The following PLEKHA7 variants were observed in gnomAD, a reference collection of about 807,000 sequenced individuals.
PLEKHA7 encodes the protein pleckstrin homology domain-containing family A member 7.
PLEKHA7 carries 104 observed loss-of-function variants against 170.0 expected under a neutral mutation model. The ratio of observed to expected loss-of-function variants is 0.61; its 90% CI spans 0.52 to 0.72. The LOEUF is 0.72. Among genes scored for constraint, PLEKHA7 ranks in the 30% least tolerant of loss-of-function variants. The probability of loss-of-function intolerance (pLI) is 0.00; values close to 1 mark genes in which losing one functional copy is unlikely to be tolerated. For synonymous variants in PLEKHA7, 648 were observed against 660.8 expected (o/e 0.98, Z 0.30); for missense variants, 1,615 against 1,671.7 (o/e 0.97, Z 0.59).
intron 1 of PLEKHA7, 41 bp from the exon 2 acceptor site, chr11:17,014,242 C>T (rs1865530088): frequency 5.6e-6 from 8 of 1,423,086 alleles, no homozygotes; most frequent in Non-Finnish European, 7.3e-6. Flanking sequence ...CGCCACAGCC[C>T]GCCGGGTGCC....
chr11:16,934,267 C>G (rs1860136520), intron 3 of PLEKHA7, among the ~76,000 whole-genome samples: 1 of 152,130 alleles, frequency 6.6e-6, no homozygotes, highest in Non-Finnish European at 1.5e-5. Context: ...CCAAAATAAG[C>G]TTCCCAAATG....
intron 4 of PLEKHA7, among the ~76,000 whole-genome samples, chr11:16,865,942 A>T (rs1329079996): frequency 6.6e-6 from 1 of 151,556 alleles, no homozygotes; most frequent in Non-Finnish European, 1.5e-5. Flanking sequence ...GGCTCAAGTG[A>T]TTCTCCTGCC....
chr11:16,863,552 A>G (rs1854145823), intron 4 of PLEKHA7, among the ~76,000 whole-genome samples: 3 of 152,146 alleles, frequency 2.0e-5, no homozygotes, highest in African/African-American at 7.2e-5. Flanking sequence ...CCCCACCTCA[A>G]CATCAAATGC....
chr11:16,812,922 G>C (rs1849478098), intron 13 of PLEKHA7, among the ~76,000 whole-genome samples, 191 bp downstream of exon 13: 1 of 152,010 alleles, frequency 6.6e-6, no homozygotes, highest in Non-Finnish European at 1.5e-5. Flanking sequence ...AAATTCACAA[G>C]AAACTGAAAA....
Position 16,777,513 on chromosome 11 carries a change from T to C in PLEKHA7, c.*1485A>G, listed in dbSNP as rs1258195295. 1.3e-5 allele frequency: 2 copies of C among 152,256 alleles called. No individual in the cohort carries two copies. Among genetic ancestry groups the C allele is most frequent in the Non-Finnish European group, 2.9e-5 (2 of 68,048 alleles). 9.4% of individuals were successfully genotyped at this position (152,256 alleles called of 1,614,324 possible). A position where few individuals can be genotyped will look rare whatever the true frequency, so the allele number is the denominator to read the frequency against. On this transcript the variant is annotated 3_prime_UTR_variant, in exon 27 of 27. Coordinates refer to ENST00000531066, the MANE Select transcript of PLEKHA7 (RefSeq NM_001329630.2). ...CAACTGCTAGATATATTCAAAATTC[T>C]ATTTTTTTTTCTGAGCATAGTCAAA...
chr11:16,870,999 C>T (rs1854792498), intron 4 of PLEKHA7, 100 bp downstream of exon 4: 2 of 882,868 alleles, frequency 2.3e-6, no homozygotes, highest in Admixed American at 2.1e-5. Context: ...CCCCAAGCCC[C>T]TCTGTCTCAG....
intron 5 of PLEKHA7, 90 bp downstream of exon 5, chr11:16,855,713 T>C (rs1308118842): frequency 2.0e-6 from 2 of 981,790 alleles, no homozygotes; most frequent in Non-Finnish European, 3.1e-6. Context: ...CTCACAAAAC[T>C]ATAGTGAAGA....
intron 3 of PLEKHA7, among the ~76,000 whole-genome samples, chr11:16,926,882 T>G (rs1859588493): frequency 6.6e-6 from 1 of 152,228 alleles, no homozygotes; most frequent in Non-Finnish European, 1.5e-5. Context: ...GATCCATGGC[T>G]GTCCTACCTC....
At chr11:16,913,455 G>A (rs998020034) in intron 3 of PLEKHA7, among the ~76,000 whole-genome samples, 1 of 152,174 alleles carries the variant, frequency 6.6e-6, no homozygotes, top group Non-Finnish European at 1.5e-5. Context: ...GCAGTAGCCA[G>A]AGACCCTCAA....
intron 19 of PLEKHA7, among the ~76,000 whole-genome samples, chr11:16,794,143 CA>C (rs1259256740): frequency 1.3e-5 from 2 of 151,940 alleles, no homozygotes. Flanking sequence ...CGGATTTGCA[CA>C]AAGGTTTGCA....
chr11:16,831,164 C>T (rs1041540298), intron 9 of PLEKHA7, among the ~76,000 whole-genome samples: 6 of 152,158 alleles, frequency 3.9e-5, no homozygotes, highest in African/African-American at 1.4e-4. Flanking sequence ...TAAAATGCAC[C>T]TTTGTTCCCA....
chr11:16,892,894 C>T (rs1021250042), intron 3 of PLEKHA7, among the ~76,000 whole-genome samples: 8 of 152,288 alleles, frequency 5.3e-5, no homozygotes, highest in South Asian at 2.1e-4. Context: ...GACGCCAGCA[C>T]GTTCATTATC....
At chr11:16,927,882 C>T (rs1859672773) in intron 3 of PLEKHA7, among the ~76,000 whole-genome samples, 2 of 151,872 alleles carry the variant, frequency 1.3e-5, no homozygotes, top group East Asian at 3.9e-4. Context: ...AACTGTGGTA[C>T]ATGCTTACGA....
At chr11:16,784,369 C>T (rs1310276799) in intron 24 of PLEKHA7, among the ~76,000 whole-genome samples, 1 of 152,198 alleles carries the variant, frequency 6.6e-6, no homozygotes, top group African/African-American at 2.4e-5. Flanking sequence ...TACTTAGTAG[C>T]CCTCCAACTA....
chr11:16,926,801 T>TCCCA (rs1353522813), intron 3 of PLEKHA7, among the ~76,000 whole-genome samples: 1 of 152,190 alleles, frequency 6.6e-6, no homozygotes, highest in African/African-American at 2.4e-5. Context: ...ATAGGGTGGC[T>TCCCA]CCCAGGCCCT....
At chr11:16,955,587 T>C (rs1590712103) in intron 3 of PLEKHA7, among the ~76,000 whole-genome samples, 1 of 152,178 alleles carries the variant, frequency 6.6e-6, no homozygotes, top group Non-Finnish European at 1.5e-5. Context: ...ATGATGTATA[T>C]AGTTAAGCTC....
At chr11:16,852,050 C>A (rs1853011692) in intron 7 of PLEKHA7, among the ~76,000 whole-genome samples, 1 of 152,136 alleles carries the variant, frequency 6.6e-6, no homozygotes, top group African/African-American at 2.4e-5. Flanking sequence ...ATCAATGATC[C>A]ACACTTCTCA....
chr11:16,799,936 A>G (rs770007240), intron 17 of PLEKHA7, among the ~76,000 whole-genome samples: 1 of 152,122 alleles, frequency 6.6e-6, no homozygotes, highest in Non-Finnish European at 1.5e-5. Context: ...GCCCTTGGAA[A>G]AGCCTCAGGG....
At chr11:16,860,177 G>T (rs1853823804) in intron 4 of PLEKHA7, among the ~76,000 whole-genome samples, 1 of 152,190 alleles carries the variant, frequency 6.6e-6, no homozygotes, top group Non-Finnish European at 1.5e-5. Flanking sequence ...TCTGAACTTT[G>T]TCAAGGATGT....
Sources: allele counts gnomAD v4.1 joint callset (sites outside exome capture counted in the v4.1 genomes callset), GRCh38; gene constraint gnomAD v4.1.1; transcripts MANE v1.5; gene names NCBI Gene and HGNC (gene_info 2026-07-23, HGNC 2026-07-21).